LRRC40: variants seen among roughly 807,000 people sequenced by gnomAD.
LRRC40 encodes the protein leucine-rich repeat-containing protein 40.
A neutral mutation model predicts 72.8 loss-of-function variants in LRRC40; 76 were observed. The ratio of observed to expected loss-of-function variants is 1.04; its 90% CI spans 0.87 to 1.26. The LOEUF (loss-of-function observed/expected upper bound fraction) is 1.26. Among genes scored for constraint, LRRC40 ranks in the 50% most tolerant of loss-of-function variants. LRRC40 has a pLI of 0.00. For missense variants in LRRC40, 684 were observed against 698.9 expected (o/e 0.98, Z 0.24); for synonymous variants, 243 against 254.2 (o/e 0.96, Z 0.42).
chr1:70,172,716 A>C (rs1318377258), intron 9 of LRRC40, among the ~76,000 whole-genome samples: 1 of 152,160 alleles, frequency 6.6e-6, no homozygotes, highest in Non-Finnish European at 1.5e-5. Flanking sequence ...GATAAAGTAG[A>C]AAAAATAGCT....
At chr1:70,204,732 TACACACAC>T (rs3219841) in intron 1 of LRRC40, among the ~76,000 whole-genome samples, 1 of 145,188 alleles carries the variant, frequency 6.9e-6, no homozygotes, top group Non-Finnish European at 1.5e-5. Flanking sequence ...CTCTCTCTCT[TACACACAC>T]ACACACACAC....
intron 10 of LRRC40, among the ~76,000 whole-genome samples, chr1:70,158,098 T>C (rs1571443664): frequency 3.8e-5 from 1 of 26,152 alleles, no homozygotes; most frequent in Non-Finnish European, 6.3e-5. Flanking sequence ...AGACCCTGCC[T>C]CAAAAAAAAA....
At chr1:70,158,096 C>A (rs1213570630) in intron 10 of LRRC40, among the ~76,000 whole-genome samples, 3 of 111,870 alleles carry the variant, frequency 2.7e-5, no homozygotes, top group Admixed American at 2.1e-4. Context: ...CAAGACCCTG[C>A]CTCAAAAAAA....
intron 1 of LRRC40, among the ~76,000 whole-genome samples, chr1:70,200,225 G>A (rs927910185): frequency 1.3e-5 from 2 of 152,092 alleles, no homozygotes; most frequent in Non-Finnish European, 2.9e-5. Flanking sequence ...CCAGTACTTC[G>A]GGAGGCCAAG....
At position 70,145,696 on chromosome 1, in the gene LRRC40, T is replaced by C; in HGVS notation, c.*104A>G. Reference sequence around the variant, plus strand: ...TGATACTGGGAAACTACAAGATCAATTACAATAATCACCTTTTAAGATGAT... The same window carrying C: ...TGATACTGGGAAACTACAAGATCAACTACAATAATCACCTTTTAAGATGAT... On this transcript the variant is annotated 3_prime_UTR_variant, in exon 15 of 15. Transcript: ENST00000370952. The C allele has an allele frequency of 1.7e-6, 1 of 580,892 alleles. No individual in the cohort carries two copies. The highest frequency in any genetic ancestry group is 2.9e-5 in the East Asian group (1 of 34,668). 36.0% of individuals were successfully genotyped at this position (580,892 alleles called of 1,614,324 possible).
chr1:70,173,825 G>T (rs1016150388), intron 7 of LRRC40, 116 bp from the exon 8 acceptor site: 2 of 510,858 alleles, frequency 3.9e-6, no homozygotes, highest in Non-Finnish European at 3.5e-6. Flanking sequence ...CTCAAAGAAA[G>T]GCCAAGTAAT....
At chr1:70,190,703 A>AAAAAAAAACTT (rs1668480749) in intron 1 of LRRC40, among the ~76,000 whole-genome samples, 2 of 147,008 alleles carry the variant, frequency 1.4e-5, no homozygotes, top group African/African-American at 5.0e-5. Flanking sequence ...AAAACTTAAA[A>AAAAAAAAACTT]AAAGAAAAAG....
intron 5 of LRRC40, among the ~76,000 whole-genome samples, chr1:70,179,435 T>C (rs1489232417): frequency 6.6e-6 from 1 of 152,128 alleles, no homozygotes. Flanking sequence ...TGCACTGAGC[T>C]ATGATCATGT....
intron 4 of LRRC40, among the ~76,000 whole-genome samples, chr1:70,182,878 T>C (rs989989285): frequency 6.6e-6 from 1 of 152,152 alleles, no homozygotes; most frequent in African/African-American, 2.4e-5. Flanking sequence ...AAACATTCTT[T>C]CATTATGTAA....
At chr1:70,168,130 C>T (rs978267857) in intron 9 of LRRC40, among the ~76,000 whole-genome samples, 3 of 152,182 alleles carry the variant, frequency 2.0e-5, no homozygotes, top group African/African-American at 7.2e-5. Context: ...AACCCTATCT[C>T]CCAGCCAGAG....
intron 1 of LRRC40, among the ~76,000 whole-genome samples, chr1:70,198,232 C>T (rs1668659134): frequency 6.6e-6 from 1 of 152,136 alleles, no homozygotes; most frequent in African/African-American, 2.4e-5. Flanking sequence ...GGCAGGATAG[C>T]CTTACACCCA....
chr1:70,204,247 G>A (rs1668835368), intron 1 of LRRC40, among the ~76,000 whole-genome samples: 1 of 152,196 alleles, frequency 6.6e-6, no homozygotes, highest in Non-Finnish European at 1.5e-5. Flanking sequence ...ACTATTTTCA[G>A]TGATAGAAAT....
intron 1 of LRRC40, among the ~76,000 whole-genome samples, chr1:70,193,558 C>A (rs1031012496): frequency 6.6e-6 from 1 of 152,040 alleles, no homozygotes; most frequent in Non-Finnish European, 1.5e-5. Flanking sequence ...ACTAATTCTA[C>A]ATAAACTCTT....
intron 9 of LRRC40, among the ~76,000 whole-genome samples, chr1:70,169,523 A>G (rs2100277136): frequency 6.6e-6 from 1 of 152,350 alleles, no homozygotes; most frequent in Middle Eastern, 3.4e-3. Flanking sequence ...TCCTTTGGAA[A>G]GTCAACAAAA....
At chr1:70,155,286 C>T (rs1268382945) in intron 11 of LRRC40, among the ~76,000 whole-genome samples, 1 of 151,956 alleles carries the variant, frequency 6.6e-6, no homozygotes, top group African/African-American at 2.4e-5. Flanking sequence ...TAACATAAAG[C>T]CCCAAATGGA....
chr1:70,172,158 C>A (rs1347053038), intron 9 of LRRC40, among the ~76,000 whole-genome samples: 1 of 152,128 alleles, frequency 6.6e-6, no homozygotes, highest in African/African-American at 2.4e-5. Context: ...CTCTTGCCAT[C>A]TGAAAGCATG....
intron 1 of LRRC40, among the ~76,000 whole-genome samples, chr1:70,193,791 GT>G (rs1668552045): frequency 6.6e-6 from 1 of 152,002 alleles, no homozygotes; most frequent in Non-Finnish European, 1.5e-5. Context: ...TGCAAGGCTG[GT>G]TTAACATTTG....
intron 2 of LRRC40, 60 bp from the exon 3 acceptor site, chr1:70,187,398 C>T: frequency 1.2e-6 from 1 of 820,572 alleles, no homozygotes; most frequent in Non-Finnish European, 2.0e-6. Flanking sequence ...AATATATAAG[C>T]TTTGCCAGTG....
chr1:70,151,186 A>C lies in LRRC40; in HGVS notation c.1459T>G (p.Leu487Val), dbSNP rs748419294. The C allele has an allele frequency of 1.0e-5, 16 of 1,582,596 alleles. No individual in the cohort carries two copies. In the Admixed American group the frequency reaches 2.7e-4, roughly 27 times the overall value. The part of the protein sequence containing the change: ...LDLRNNFLNS[L>V]PEEMESLVRL... ...ACCAGTGATTCCATTTCTTCTGGCAAAGAATTTAAAAAATTGTTCCTAAAT... is the reference window on the plus strand; with the variant it reads ...ACCAGTGATTCCATTTCTTCTGGCACAGAATTTAAAAAATTGTTCCTAAAT... The change falls in exon 13 of 15, where the codon TTG becomes GTG. Residue 487 changes from leucine to valine, a missense_variant. Leu to Val is a conservative substitution (Grantham distance 32). Transcript: ENST00000370952.
Sources: gnomAD v4.1 joint callset for allele counts (sites outside exome capture counted in the v4.1 genomes callset) on GRCh38, gnomAD v4.1.1 for gene constraint, MANE v1.5 for transcripts, NCBI Gene and HGNC (gene_info 2026-07-23, HGNC 2026-07-21) for gene names.